Variants in TEP1 observed in about 807,000 individuals in gnomAD.
TEP1 encodes telomerase protein component 1.
TEP1 carries 241 observed loss-of-function variants against 306.3 expected under a neutral mutation model. The ratio of observed to expected loss-of-function variants is 0.79; its 90% CI spans 0.71 to 0.88. The LOEUF (loss-of-function observed/expected upper bound fraction) is 0.88. Ranked by LOEUF, TEP1 falls within the 40% of genes least tolerant of loss-of-function variation. The probability of loss-of-function intolerance (pLI) is 0.00; values close to 1 mark genes in which losing one functional copy is unlikely to be tolerated. For synonymous variants in TEP1, 1,289 were observed against 1,305.5 expected (o/e 0.99, Z 0.27); for missense variants, 3,051 against 3,276.1 (o/e 0.93, Z 1.68).
intron 1 of TEP1, among the ~76,000 whole-genome samples, chr14:20,412,137 A>T (rs1361869764): frequency 6.6e-6 from 1 of 152,164 alleles, no homozygotes; most frequent in Non-Finnish European, 1.5e-5. Flanking sequence ...AAAGGACAAC[A>T]ATATCTCACT....
chr14:20,389,565 G>A, intron 16 of TEP1, 45 bp downstream of exon 16: 1 of 1,606,894 alleles, frequency 6.2e-7, no homozygotes, highest in Non-Finnish European at 8.5e-7. Context: ...AGGAAATGTA[G>A]ACCACTGATT....
At position 20,390,756 on chromosome 14, in the gene TEP1, C is replaced by T; in HGVS notation, c.2259G>A (p.Glu753=). ...TAIKLQAQVQ[E]FDENDGWSLN... ...GGGACCATCCATCATTTTCATCAAA[C>T]TCCTGAAGGAAAGAGACTTCATGTT... Residue 753 remains glutamate, a splice_region_variant and synonymous_variant, in exon 15 of 55, where the codon GAG becomes GAA. Coordinates refer to ENST00000262715, the MANE Select transcript of TEP1 (RefSeq NM_007110.5). 2 of 1,614,216 alleles carry T rather than the reference C, an allele frequency of 1.2e-6. No individual in the cohort carries two copies. The highest frequency in any genetic ancestry group is 1.7e-5 in the Admixed American group (1 of 60,026).
chr14:20,409,786 C>T (rs562815203), intron 1 of TEP1, among the ~76,000 whole-genome samples: 6 of 151,920 alleles, frequency 3.9e-5, no homozygotes, highest in South Asian at 4.2e-4. Flanking sequence ...TTTGGGAGGC[C>T]GAGGCGGGCG....
intron 9 of TEP1, 50 bp downstream of exon 9, chr14:20,400,934 G>A: frequency 6.3e-7 from 1 of 1,590,608 alleles, no homozygotes; most frequent in South Asian, 1.1e-5. Flanking sequence ...AAATGTGGAG[G>A]CATAAATGGG....
intron 1 of TEP1, among the ~76,000 whole-genome samples, chr14:20,413,145 C>T (rs1410422477): frequency 6.6e-6 from 1 of 152,158 alleles, no homozygotes; most frequent in East Asian, 1.9e-4. Context: ...CTGTCCCTCC[C>T]TCTCCTTCAG....
Position 20,384,149 on chromosome 14 carries a change from C to T in TEP1, c.3423G>A (p.Pro1141=), listed in dbSNP as rs958007419. Reference sequence around the variant, plus strand: ...GAAGAAGGCGTGGCCGGGCAGGACTCGGTGGCTTCTGCAGCTGCTGGAAGG... The same window carrying T: ...GAAGAAGGCGTGGCCGGGCAGGACTTGGTGGCTTCTGCAGCTGCTGGAAGG... ...QATFQQLQKP[P]SPARPRLLQD... is the part of the protein sequence containing the mutation. Residue 1141 remains proline, a synonymous_variant, in exon 24 of 55, where the codon CCG becomes CCA. Transcript: ENST00000262715. 4 of 1,614,056 alleles carry T rather than the reference C, an allele frequency of 2.5e-6. No homozygotes were observed. Among genetic ancestry groups the T allele is most frequent in the South Asian group, 1.1e-5 (1 of 91,090 alleles).
chr14:20,396,429 T>C (rs1263618505), intron 10 of TEP1, among the ~76,000 whole-genome samples, 192 bp downstream of exon 10: 1 of 152,238 alleles, frequency 6.6e-6, no homozygotes, highest in Non-Finnish European at 1.5e-5. Flanking sequence ...TCTCAAAGGA[T>C]TTACTGAACC....
In TEP1 at chr14:20,381,811, T is replaced by C; in HGVS notation, c.4424+102A>G. ...CTGGAGCAGCTGGAGCAGTAGCTCA[T>C]TCATGGTCTGGGAGCCAGTTGTTGA... is the stretch of plus-strand genomic sequence containing the variant. On this transcript the variant is annotated intron_variant, in intron 30 of 54. Transcript: ENST00000262715. This position sits in a 1 kb window ranked among gnomAD's most constrained non-coding sequence, Gnocchi z 4.0. The C allele has an allele frequency of 6.5e-7, 1 of 1,544,600 alleles. No individual in the cohort carries two copies. The highest frequency in any genetic ancestry group is 8.7e-7 in the Non-Finnish European group (1 of 1,147,588).
intron 9 of TEP1, among the ~76,000 whole-genome samples, chr14:20,399,705 A>G (rs1000794326): frequency 2.0e-5 from 3 of 150,732 alleles, no homozygotes; most frequent in Admixed American, 6.6e-5. Flanking sequence ...TTTTTGTAGT[A>G]TATGATTAAA....
At chr14:20,408,687 G>T (rs1453738024) in intron 1 of TEP1, among the ~76,000 whole-genome samples, 1 of 152,156 alleles carries the variant, frequency 6.6e-6, no homozygotes, top group African/African-American at 2.4e-5. Flanking sequence ...TTAAGAAAAG[G>T]CCAGGTGCAG....
Position 20,383,229 on chromosome 14 carries a change from C to T in TEP1, c.3992G>A (p.Arg1331Lys). 3 of 1,613,992 alleles carry T rather than the reference C, an allele frequency of 1.9e-6. No individual in the cohort carries two copies. The highest frequency in any genetic ancestry group is 1.7e-6 in the Non-Finnish European group (2 of 1,179,988). The change falls in exon 27 of 55, where the codon AGA becomes AAA. Residue 1331 changes from arginine to lysine, a missense_variant. Transcript: ENST00000262715. ...CTTCCCGTACAGGGCCAGCTCCTCT[C>T]TCACCAGCCGGGCCCGAGCAGAGGC... ...LEASARARLV[R>K]EELALYGKRL...
At chr14:20,389,585 G>A (rs763306126) in intron 16 of TEP1, 25 bp downstream of exon 16, 11 of 1,612,204 alleles carry the variant, frequency 6.8e-6, no homozygotes, top group Non-Finnish European at 9.3e-6. Flanking sequence ...TTCTGACACT[G>A]GGCAGGAAGT....
chr14:20,372,950 A>G (rs1344383613), intron 48 of TEP1, 61 bp downstream of exon 48: 10 of 1,613,654 alleles, frequency 6.2e-6, no homozygotes, highest in African/African-American at 2.7e-5. Flanking sequence ...TCTAACGCCC[A>G]GTAAATACAC....
chr14:20,401,673 C>T lies in TEP1; in HGVS notation c.1267-92G>A. The T allele has an allele frequency of 2.0e-6, 3 of 1,519,840 alleles. 1 individual carries two copies. The highest frequency in any genetic ancestry group is 2.6e-5 in the South Asian group (2 of 78,372). The allele number at this position is 1,519,840 out of a possible 1,614,324, so 94.1% of individuals were successfully genotyped here. ...AAGCAGATTGTAAGACCATCCGATC[C>T]CTATGTGGTAATTTCTTTCTTCAAA... On this transcript the variant is annotated intron_variant, in intron 7 of 54. Transcript: ENST00000262715.
In TEP1 at chr14:20,371,712, C is replaced by T. The variant is rs964662030; in HGVS notation, c.7077-80G>A. On this transcript the variant is annotated intron_variant, in intron 49 of 54. Transcript: ENST00000262715. The stretch of plus-strand genomic sequence containing the variant: ...CAGGCTCCTCAATCCCACATGAATT[C>T]CTCAGGAATGAAGTACAAAGCAAAA... The T allele has an allele frequency of 6.2e-6, 9 of 1,461,580 alleles. No homozygotes were observed. The African/African-American group carries it at 8.7e-5, about 14-fold the overall frequency. 90.5% of individuals were successfully genotyped at this position (1,461,580 alleles called of 1,614,324 possible). A position where few individuals can be genotyped will look rare whatever the true frequency, so the allele number is the denominator to read the frequency against.
chr14:20,398,326 C>T (rs1010998836), intron 9 of TEP1, among the ~76,000 whole-genome samples: 9 of 148,758 alleles, frequency 6.1e-5, no homozygotes, highest in East Asian at 2.0e-4. Flanking sequence ...TGAAGTGAGC[C>T]GAGGTCGCGC....
intron 7 of TEP1, 112 bp downstream of exon 7, chr14:20,403,265 C>A: frequency 7.2e-7 from 1 of 1,380,626 alleles, no homozygotes; most frequent in Non-Finnish European, 9.9e-7. Flanking sequence ...ACAATCACAG[C>A]CAAGAATCCC....
At chr14:20,397,519 A>AT (rs1367737000) in intron 9 of TEP1, among the ~76,000 whole-genome samples, 3 of 152,188 alleles carry the variant, frequency 2.0e-5, no homozygotes, top group African/African-American at 7.2e-5. Flanking sequence ...CAAAAAAAAA[A>AT]TTAAAAAAAA....
rs765049221 is a variant in TEP1 at position 20,381,419 on chromosome 14, G to C, written c.4559-18C>G. 1.9e-6 allele frequency: 3 copies of C among 1,613,922 alleles called. No homozygotes were observed. Among genetic ancestry groups the C allele is most frequent in the South Asian group, 1.1e-5 (1 of 91,076 alleles). ...GAGCTGAGCTGCATGAACAGATATTGAGAAAGGCTCAGCCCTGCATCATTC... is the reference window on the plus strand; with the variant it reads ...GAGCTGAGCTGCATGAACAGATATTCAGAAAGGCTCAGCCCTGCATCATTC... On this transcript the variant is annotated intron_variant, in intron 31 of 54. Coordinates refer to ENST00000262715, the MANE Select transcript of TEP1 (RefSeq NM_007110.5). This position sits in a 1 kb window ranked among gnomAD's most constrained non-coding sequence, Gnocchi z 4.0.
Sources: allele counts gnomAD v4.1 joint callset (sites outside exome capture counted in the v4.1 genomes callset), GRCh38; gene constraint gnomAD v4.1.1; non-coding constraint Gnocchi (gnomAD v3.1); transcripts MANE v1.5; gene names NCBI Gene and HGNC (gene_info 2026-07-23, HGNC 2026-07-21).